PLXDC2: variants seen among roughly 807,000 people sequenced by gnomAD.
PLXDC2 encodes plexin domain-containing protein 2.
Under a neutral mutation model 68.9 loss-of-function variants are expected in PLXDC2, and 40 were observed. That is an observed-to-expected ratio of 0.58 (90% CI 0.45 to 0.76). The LOEUF (loss-of-function observed/expected upper bound fraction) is 0.76. Ranked by LOEUF, PLXDC2 falls within the 30% of genes least tolerant of loss-of-function variation. PLXDC2 has a pLI of 0.00. For missense variants in PLXDC2, 644 were observed against 661.9 expected, an observed-to-expected ratio of 0.97 and a Z score of 0.30; for synonymous variants, 243 against 234.2, an observed-to-expected ratio of 1.04 and a Z score of -0.34.
chr10:20,157,098 T>G (rs1489089800), intron 6 of PLXDC2, among the ~76,000 whole-genome samples: 1 of 152,188 alleles, frequency 6.6e-6, no homozygotes, highest in Non-Finnish European at 1.5e-5. Context: ...AGATCATGAC[T>G]CTTAAAAATT....
intron 1 of PLXDC2, among the ~76,000 whole-genome samples, chr10:19,843,087 C>A (rs1299312521): frequency 6.9e-6 from 1 of 145,452 alleles, no homozygotes; most frequent in Non-Finnish European, 1.5e-5. Context: ...ATTTACCGGA[C>A]CCCTAATGTC....
intron 6 of PLXDC2, among the ~76,000 whole-genome samples, chr10:20,158,132 T>C (rs1011115776): frequency 2.0e-5 from 3 of 152,082 alleles, no homozygotes; most frequent in African/African-American, 7.2e-5. Context: ...ACCCCCAGGA[T>C]CTCGTGATGA....
intron 1 of PLXDC2, among the ~76,000 whole-genome samples, chr10:19,856,244 G>T (rs1837209560): frequency 6.6e-6 from 1 of 152,076 alleles, no homozygotes. Flanking sequence ...ACATATATAT[G>T]CTTTTCTCGA....
At chr10:20,149,219 T>TTTTTC in intron 6 of PLXDC2, among the ~76,000 whole-genome samples, 1 of 137,990 alleles carries the variant, frequency 7.2e-6, no homozygotes, top group Non-Finnish European at 1.6e-5. Flanking sequence ...TCTTTCTTTT[T>TTTTTC]TTTTCTTTTC....
intron 1 of PLXDC2, among the ~76,000 whole-genome samples, chr10:19,981,382 C>T (rs1346015511): frequency 6.6e-6 from 1 of 152,196 alleles, no homozygotes; most frequent in Non-Finnish European, 1.5e-5. Flanking sequence ...GGAAGTGATA[C>T]TAAAGTCTTG....
intron 12 of PLXDC2, among the ~76,000 whole-genome samples, chr10:20,228,750 G>A (rs1367858972): frequency 6.6e-6 from 1 of 152,036 alleles, no homozygotes; most frequent in East Asian, 1.9e-4. Flanking sequence ...ATAAAATCAA[G>A]AGTGTCATAG....
At chr10:20,176,276 C>A (rs986103485) in intron 7 of PLXDC2, among the ~76,000 whole-genome samples, 7 of 151,836 alleles carry the variant, frequency 4.6e-5, no homozygotes, top group Non-Finnish European at 2.9e-5. Context: ...ATATGATTGA[C>A]AAATAAAAAT....
intron 1 of PLXDC2, among the ~76,000 whole-genome samples, chr10:19,907,181 G>A (rs1284100358): frequency 6.6e-6 from 1 of 152,104 alleles, no homozygotes; most frequent in Non-Finnish European, 1.5e-5. Flanking sequence ...TGAGCGCTAA[G>A]AGCCTGAAAT....
chr10:19,852,112 C>T (rs1185674737), intron 1 of PLXDC2, among the ~76,000 whole-genome samples: 5 of 152,010 alleles, frequency 3.3e-5, no homozygotes, highest in Admixed American at 2.0e-4. Context: ...GCATTGTAAA[C>T]CATTTATCAA....
At chr10:20,124,660 C>T (rs931207396) in intron 4 of PLXDC2, among the ~76,000 whole-genome samples, 4 of 143,308 alleles carry the variant, frequency 2.8e-5, no homozygotes, top group South Asian at 2.2e-4. Context: ...GGGGTGGGGC[C>T]GTTTTATAGG....
At chr10:20,011,035 T>G (rs1362459496) in intron 2 of PLXDC2, among the ~76,000 whole-genome samples, 1 of 152,238 alleles carries the variant, frequency 6.6e-6, no homozygotes, top group Non-Finnish European at 1.5e-5. Context: ...CATACTCAGA[T>G]GAAAATTATT....
At chr10:19,923,479 T>C (rs1833493591) in intron 1 of PLXDC2, among the ~76,000 whole-genome samples, 1 of 152,226 alleles carries the variant, frequency 6.6e-6, no homozygotes, top group Non-Finnish European at 1.5e-5. Context: ...AATGTCATTC[T>C]GAGGGCTTGG....
chr10:20,272,975 C>A (rs2681943), intron 13 of PLXDC2, among the ~76,000 whole-genome samples: 132,971 of 152,206 alleles, frequency 0.87, 58,549 homozygotes, highest in Middle Eastern at 0.95. Flanking sequence ...AAAGTTAATC[C>A]GGGTTTGGAA....
intron 12 of PLXDC2, among the ~76,000 whole-genome samples, chr10:20,240,350 G>A (rs1190850967): frequency 6.6e-6 from 1 of 152,112 alleles, no homozygotes; most frequent in Non-Finnish European, 1.5e-5. Flanking sequence ...GAGCATTTAG[G>A]TTGATTCCAT....
At position 20,164,479 on chromosome 10, in the gene PLXDC2, G is replaced by C. The variant is rs145830494; in HGVS notation, c.795G>C (p.Leu265Phe). 6.2e-7 allele frequency: 1 copy of C among 1,612,400 alleles called. No individual in the cohort carries two copies. The highest frequency in any genetic ancestry group is 1.1e-5 in the South Asian group (1 of 91,020). The part of the protein sequence containing the change: ...IIFGYKEIPV[L>F]VTQISSTNHP... ...TTGTTTTTTTCCAGATTCCTGTCTT[G>C]GTCACACAGATAAGTTCAACCAATC... The change falls in exon 7 of 14, where the codon TTG (leucine) becomes TTC (phenylalanine). Residue 265 changes from leucine to phenylalanine, a missense_variant. Leu to Phe is a conservative substitution (Grantham distance 22). Around this residue, in one of 3 missense-constraint regions of PLXDC2, gnomAD observed 330 missense variants for 327.9 expected, o/e 1.01. Coordinates refer to ENST00000377252, the MANE Select transcript of PLXDC2 (RefSeq NM_032812.9).
intron 1 of PLXDC2, among the ~76,000 whole-genome samples, chr10:19,851,784 G>A (rs1194919819): frequency 2.0e-5 from 3 of 152,124 alleles, no homozygotes; most frequent in Non-Finnish European, 4.4e-5. Context: ...CTGGCCTCAA[G>A]CAATCCACCC....
Position 20,222,714 on chromosome 10 carries a change from G to A in PLXDC2, c.1312+3612G>A, listed in dbSNP as rs7083578. ...CAGATGATCCATTGCAGAGCCAGGT[G>A]TGGTGGCATGGGCCTGTAGTCCCAG... On this transcript the variant is annotated intron_variant, in intron 12 of 13. Transcript: ENST00000377252. Among the ~76,000 whole-genome samples the A allele has an allele frequency of 9.3e-4, 141 of 152,284 alleles. 1 individual carries two copies. The highest frequency in any genetic ancestry group is 3.3e-3 in the African/African-American group (139 of 41,566).
chr10:20,180,561 T>G lies in PLXDC2; in HGVS notation c.1061+3152T>G, dbSNP rs997150868. 2.0e-5 allele frequency among the ~76,000 whole-genome samples: 3 copies of G among 152,058 alleles called. No individual in the cohort carries two copies. The South Asian group carries it at 6.2e-4, about 31-fold the overall frequency. ...GCAGCACAAAAATTGCCCCTCTGAT[T>G]TTTTTCTCCCATAGCTCTTACTTTC... On this transcript the variant is annotated intron_variant, in intron 9 of 13. Transcript: ENST00000377252.
chr10:19,896,271 G>C (rs991215763), intron 1 of PLXDC2, among the ~76,000 whole-genome samples: 2 of 152,214 alleles, frequency 1.3e-5, no homozygotes, highest in Non-Finnish European at 2.9e-5. Context: ...GGAAGGGAAG[G>C]CACATTCTGG....
Sources: allele counts gnomAD v4.1 joint callset (sites outside exome capture counted in the v4.1 genomes callset), GRCh38; gene constraint gnomAD v4.1.1; regional missense constraint gnomAD v4.1.1; transcripts MANE v1.5; gene names NCBI Gene and HGNC (gene_info 2026-07-23, HGNC 2026-07-21).